NPAT: variants seen among roughly 807,000 people sequenced by gnomAD.
NPAT encodes protein NPAT.
Under a neutral mutation model 130.7 loss-of-function variants are expected in NPAT, and 52 were observed. The observed-to-expected ratio is 0.40, with a 90% CI of 0.32 to 0.50. NPAT has a LOEUF of 0.50. Ranked by LOEUF, NPAT falls within the 20% of genes least tolerant of loss-of-function variation. NPAT has a pLI of 0.68. For missense variants in NPAT, 1,687 were observed against 1,662.6 expected (o/e 1.01, Z -0.26); for synonymous variants, 580 against 584.8 (o/e 0.99, Z 0.12).
At chr11:108,187,774 CTG>C (rs2078121821) in intron 7 of NPAT, among the ~76,000 whole-genome samples, 1 of 151,918 alleles carries the variant, frequency 6.6e-6, no homozygotes, top group Non-Finnish European at 1.5e-5. Flanking sequence ...TAGAACATAA[CTG>C]TATTATTTAC....
At chr11:108,207,735 C>T (rs1350631330) in intron 1 of NPAT, among the ~76,000 whole-genome samples, 2 of 152,198 alleles carry the variant, frequency 1.3e-5, no homozygotes, top group East Asian at 3.9e-4. Context: ...CTTCCCTGGC[C>T]CCCGAGAGTG....
chr11:108,181,533 C>T (rs767866341), intron 10 of NPAT, among the ~76,000 whole-genome samples: 1 of 151,996 alleles, frequency 6.6e-6, no homozygotes, highest in Non-Finnish European at 1.5e-5. Flanking sequence ...ATTAACATTA[C>T]CAAACTGTAC....
chr11:108,189,804 A>C (rs1435790392), intron 5 of NPAT, among the ~76,000 whole-genome samples: 2 of 148,756 alleles, frequency 1.3e-5, no homozygotes, highest in East Asian at 4.0e-4. Flanking sequence ...CGGGAGGCGG[A>C]GCTTGCAGTG....
chr11:108,208,941 T>TA (rs1439153000), intron 1 of NPAT, among the ~76,000 whole-genome samples: 5 of 152,194 alleles, frequency 3.3e-5, no homozygotes, highest in African/African-American at 1.2e-4. Context: ...GAGATGCAAC[T>TA]AAAGCAGTGC....
intron 10 of NPAT, among the ~76,000 whole-genome samples, chr11:108,177,770 G>T (rs1310739560): frequency 6.6e-6 from 1 of 152,012 alleles, no homozygotes; most frequent in Non-Finnish European, 1.5e-5. Flanking sequence ...AGCTGGAGTG[G>T]AATGCAGTGG....
chr11:108,163,411 T>G (rs1021410790), intron 15 of NPAT, among the ~76,000 whole-genome samples: 5 of 152,034 alleles, frequency 3.3e-5, no homozygotes, highest in African/African-American at 1.2e-4. Flanking sequence ...GGAAGATGCA[T>G]GAATAGGTTT....
intron 15 of NPAT, among the ~76,000 whole-genome samples, chr11:108,163,426 CT>C (rs1184356226): frequency 1.3e-5 from 2 of 152,014 alleles, no homozygotes; most frequent in African/African-American, 4.8e-5. Flanking sequence ...AGGTTTATGT[CT>C]TTGGAAGATC....
chr11:108,209,053 G>A lies in NPAT; in HGVS notation c.38-11633C>T, dbSNP rs1443105390. On this transcript the variant is annotated intron_variant, in intron 1 of 17. Transcript: ENST00000278612. ...CCAGCACGTTGGGAGGCTGAGGCAGGCAGATCACCTGAGGTCAAGAGTTTG... is the reference window on the plus strand; with the variant it reads ...CCAGCACGTTGGGAGGCTGAGGCAGACAGATCACCTGAGGTCAAGAGTTTG... Among the ~76,000 whole-genome samples the A allele has an allele frequency of 3.3e-5, 5 of 152,276 alleles. No individual in the cohort carries two copies. The East Asian group carries it at 9.7e-4, about 29-fold the overall frequency.
At chr11:108,211,773 A>T (rs1442389696) in intron 1 of NPAT, among the ~76,000 whole-genome samples, 4 of 152,084 alleles carry the variant, frequency 2.6e-5, no homozygotes, top group Admixed American at 1.3e-4. Flanking sequence ...ATATAGTGAG[A>T]CCCCCATCTC....
intron 10 of NPAT, among the ~76,000 whole-genome samples, chr11:108,181,903 C>A (rs1414005615): frequency 6.6e-6 from 1 of 152,138 alleles, no homozygotes; most frequent in Non-Finnish European, 1.5e-5. Flanking sequence ...AGAAGTTAAC[C>A]TAAAAAGCTT....
chr11:108,186,131 C>T (rs994949946), intron 8 of NPAT, among the ~76,000 whole-genome samples: 1 of 152,044 alleles, frequency 6.6e-6, no homozygotes, highest in African/African-American at 2.4e-5. Context: ...GTCCTCCCAT[C>T]TCAGCCTCCC....
At chr11:108,176,018 A>G (rs1002750428) in intron 12 of NPAT, among the ~76,000 whole-genome samples, 8 of 152,218 alleles carry the variant, frequency 5.3e-5, no homozygotes, top group Non-Finnish European at 8.8e-5. Context: ...GTCTCAAAAA[A>G]CAAACACACA....
intron 12 of NPAT, 101 bp from the exon 13 acceptor site, chr11:108,173,952 C>G (rs948684945): frequency 1.0e-6 from 1 of 963,822 alleles, no homozygotes; most frequent in African/African-American, 1.6e-5. Flanking sequence ...AATAACTCAT[C>G]TTTGCATACC....
intron 12 of NPAT, among the ~76,000 whole-genome samples, chr11:108,175,178 T>TG (rs1366226386): frequency 6.6e-6 from 1 of 152,208 alleles, no homozygotes; most frequent in African/African-American, 2.4e-5. Context: ...TACAGTATAT[T>TG]GTTATAACTG....
chr11:108,177,075 A>G lies in NPAT; in HGVS notation c.922T>C (p.Ser308Pro), dbSNP rs2078014598. ...FLGLPSEIHM[S>P]EEAIQDILEQ... ...AATATGTCCTGTATAGCTTCTTCAG[A>G]CATGTGAATTTCACTCTGCAAGAAA... Residue 308 changes from serine (S) to proline (P), a missense_variant, in exon 11 of 18, where the codon TCT (serine) becomes CCT (proline). By Grantham distance (74) the Ser-to-Pro change is moderately conservative. Transcript: ENST00000278612. The G allele has an allele frequency of 6.2e-7, 1 of 1,610,772 alleles. No individual in the cohort carries two copies. The highest frequency in any genetic ancestry group is 2.2e-5 in the East Asian group (1 of 44,790).
intron 1 of NPAT, among the ~76,000 whole-genome samples, chr11:108,206,683 G>A (rs1344119730): frequency 3.3e-5 from 5 of 152,292 alleles, no homozygotes; most frequent in Non-Finnish European, 5.9e-5. Context: ...CTGCAACGTG[G>A]TGAGCAAGGG....
rs570901732 is a variant in NPAT, at chr11:108,208,905, C to T, written c.38-11485G>A. Among the ~76,000 whole-genome samples, 6 of 152,312 alleles carry T rather than the reference C, an allele frequency of 3.9e-5. No homozygotes were observed. In the East Asian group the frequency reaches 1.2e-3, roughly 29 times the overall value. On this transcript the variant is annotated intron_variant, in intron 1 of 17. Coordinates refer to ENST00000278612, the MANE Select transcript of NPAT (RefSeq NM_002519.3). ...TTCCAGGGCCGACCATATATTAGGA[C>T]ATGAAATAAGTGTCAATAAATTTAT...
rs750019279 is a variant in NPAT at position 108,189,185 on chromosome 11, T to A, written c.477A>T (p.Arg159=). The change falls in exon 6 of 18, where the codon CGA becomes CGT. Residue 159 remains arginine (R), a synonymous_variant. Coordinates refer to ENST00000278612, the MANE Select transcript of NPAT (RefSeq NM_002519.3). ...ATGGATCTGAAATTTGGCCACTTGGTCGAGTAACCTGTGTACCTGTGGAAG... is the reference window on the plus strand; with the variant it reads ...ATGGATCTGAAATTTGGCCACTTGGACGAGTAACCTGTGTACCTGTGGAAG... ...TPPSTGTQVT[R]PSGQISDPSR... The A allele has an allele frequency of 3.1e-5, 50 of 1,614,040 alleles. No homozygotes were observed. The highest frequency in any genetic ancestry group is 4.0e-5 in the Non-Finnish European group (47 of 1,180,038).
intron 1 of NPAT, among the ~76,000 whole-genome samples, chr11:108,210,586 A>G (rs1172241421): frequency 1.3e-5 from 2 of 152,216 alleles, no homozygotes; most frequent in African/African-American, 4.8e-5. Flanking sequence ...TCTTTTCTTT[A>G]TAAGTTACCC....
Sources: gnomAD v4.1 joint callset for allele counts (sites outside exome capture counted in the v4.1 genomes callset) on GRCh38, gnomAD v4.1.1 for gene constraint, MANE v1.5 for transcripts, NCBI Gene and HGNC (gene_info 2026-07-23, HGNC 2026-07-21) for gene names.